UNC5C: variants seen among roughly 807,000 people sequenced by gnomAD.
The protein encoded by UNC5C is netrin receptor UNC5C.
In UNC5C, 47 loss-of-function variants were observed where a neutral mutation model predicts 99.8. The observed-to-expected ratio is 0.47, with a 90% CI of 0.37 to 0.60. The LOEUF is 0.60. Among genes scored for constraint, UNC5C ranks in the 20% least tolerant of loss-of-function variants. The probability of loss-of-function intolerance (pLI) is 0.00; values close to 1 mark genes in which losing one functional copy is unlikely to be tolerated. For synonymous variants in UNC5C, 487 were observed against 452.2 expected, an observed-to-expected ratio of 1.08 and a Z score of -0.98; for missense variants, 1,062 against 1,165.9, an observed-to-expected ratio of 0.91 and a Z score of 1.30.
chr4:95,169,037 T>C lies in UNC5C; in HGVS notation c.*197A>G. 1 of 612,060 alleles carries C rather than the reference T, an allele frequency of 1.6e-6. No individual in the cohort carries two copies. The highest frequency in any genetic ancestry group is 2.8e-6 in the Non-Finnish European group (1 of 363,456). The allele number at this position is 612,060 out of a possible 1,614,324, so 37.9% of individuals were successfully genotyped here. On this transcript the variant is annotated 3_prime_UTR_variant, in exon 16 of 16. Transcript: ENST00000453304. ...AAGGTACAAATTTACACAATTTTTC[T>C]TAACTCCCGTGATGATGTCCGAGTA... is the stretch of plus-strand genomic sequence containing the variant.
At chr4:95,442,262 G>A in intron 1 of UNC5C, among the ~76,000 whole-genome samples, 1 of 151,694 alleles carries the variant, frequency 6.6e-6, no homozygotes, top group Non-Finnish European at 1.5e-5. Context: ...GAGTGCAGTG[G>A]TGTGATCATA....
chr4:95,224,792 C>T lies in UNC5C; in HGVS notation c.1109-4616G>A, dbSNP rs977369791. ...GTAAAAAAGTTCTTTTAAAAATAAA[C>T]CAAAAGAACATAATGTGTTTGGAGA... On this transcript the variant is annotated intron_variant, in intron 7 of 15. Coordinates refer to ENST00000453304, the MANE Select transcript of UNC5C (RefSeq NM_003728.4). Among the ~76,000 whole-genome samples, 4 of 149,968 alleles carry T rather than the reference C, an allele frequency of 2.7e-5. No homozygotes were observed. In the South Asian group the frequency reaches 6.4e-4, roughly 24 times the overall value.
intron 2 of UNC5C, among the ~76,000 whole-genome samples, chr4:95,324,755 C>T (rs1362710604): frequency 2.6e-5 from 4 of 152,102 alleles, no homozygotes; most frequent in Admixed American, 1.3e-4. Context: ...CACCCTTTGC[C>T]CCTTCTGCCA....
rs116500341 is a variant in UNC5C, at chr4:95,459,787, T to G, written c.124+88947A>C. Among the ~76,000 whole-genome samples the G allele has an allele frequency of 3.6e-3, 544 of 152,270 alleles. 2 individuals carry two copies. The highest frequency in any genetic ancestry group is 0.013 in the African/African-American group (521 of 41,576). On this transcript the variant is annotated intron_variant, in intron 1 of 15. Transcript: ENST00000453304. ...CCAGAATGGCCTAAAAGAATTTCCC[T>G]AAAAGGCTCTCATTATAGAATAGCA...
chr4:95,376,021 C>A (rs969164261), intron 1 of UNC5C, among the ~76,000 whole-genome samples: 1 of 152,072 alleles, frequency 6.6e-6, no homozygotes, highest in Non-Finnish European at 1.5e-5. Flanking sequence ...CCACTGCACT[C>A]CAGCCTGGGC....
At chr4:95,281,118 G>A (rs1741042928) in intron 3 of UNC5C, among the ~76,000 whole-genome samples, 1 of 152,186 alleles carries the variant, frequency 6.6e-6, no homozygotes, top group Admixed American at 6.5e-5. Flanking sequence ...TCTGCCTGAT[G>A]TGGGGTTGGG....
At position 95,370,756 on chromosome 4, in the gene UNC5C, T is replaced by C. The variant is rs1326872233; in HGVS notation, c.125-35125A>G. On this transcript the variant is annotated intron_variant, in intron 1 of 15. Transcript: ENST00000453304. ...CATGTAATTACCGCGTACAGGTTTA[T>C]ACTTTATCACAGTAAGACAACAGCA... 5.9e-5 allele frequency among the ~76,000 whole-genome samples: 9 copies of C among 152,336 alleles called. No homozygotes were observed. The South Asian group carries it at 8.3e-4, about 14-fold the overall frequency.
chr4:95,337,203 A>G (rs1743384033), intron 1 of UNC5C, among the ~76,000 whole-genome samples: 1 of 151,930 alleles, frequency 6.6e-6, no homozygotes, highest in Non-Finnish European at 1.5e-5. Flanking sequence ...AATTATTACT[A>G]TTTATGAAGG....
At chr4:95,318,300 A>G (rs1175729500) in intron 2 of UNC5C, among the ~76,000 whole-genome samples, 1 of 152,178 alleles carries the variant, frequency 6.6e-6, no homozygotes, top group Non-Finnish European at 1.5e-5. Flanking sequence ...CTGGAAGCCC[A>G]GGAGTGCCAG....
At position 95,204,811 on chromosome 4, in the gene UNC5C, G is replaced by A. The variant is rs145624497; in HGVS notation, c.1902+1817C>T. ...CACTTAGTTATACATTTAGTTCAGAGGGCTACACAAAGATGTGAAAGGTTG... is the reference window on the plus strand; with the variant it reads ...CACTTAGTTATACATTTAGTTCAGAAGGCTACACAAAGATGTGAAAGGTTG... On this transcript the variant is annotated intron_variant, in intron 11 of 15. Coordinates refer to ENST00000453304, the MANE Select transcript of UNC5C (RefSeq NM_003728.4). 1.8e-3 allele frequency among the ~76,000 whole-genome samples: 276 copies of A among 152,298 alleles called. 1 individual carries two copies. Among genetic ancestry groups the A allele is most frequent in the African/African-American group, 6.5e-3 (270 of 41,562 alleles).
At chr4:95,224,418 T>C (rs946006447) in intron 7 of UNC5C, among the ~76,000 whole-genome samples, 1 of 152,240 alleles carries the variant, frequency 6.6e-6, no homozygotes, top group East Asian at 1.9e-4. Context: ...CTGAGTTTTT[T>C]GTCCCTGCTT....
Position 95,397,343 on chromosome 4 carries a change from C to G in UNC5C, c.125-61712G>C, listed in dbSNP as rs961267319. On this transcript the variant is annotated intron_variant, in intron 1 of 15. Coordinates refer to ENST00000453304, the MANE Select transcript of UNC5C (RefSeq NM_003728.4). Reference sequence around the variant, plus strand: ...CACCACCCTTGTATTTTCAACTAAACAAATATGGATGTGATAATTCACATT... The same window carrying G: ...CACCACCCTTGTATTTTCAACTAAAGAAATATGGATGTGATAATTCACATT... Among the ~76,000 whole-genome samples, 7 of 152,158 alleles carry G rather than the reference C, an allele frequency of 4.6e-5. No individual in the cohort carries two copies. The East Asian group carries it at 1.3e-3, about 29-fold the overall frequency.
intron 13 of UNC5C, among the ~76,000 whole-genome samples, chr4:95,183,302 G>C (rs935829468): frequency 1.3e-5 from 2 of 151,962 alleles, no homozygotes; most frequent in Non-Finnish European, 2.9e-5. Flanking sequence ...TGAACCTAAG[G>C]AGTCAGCCTC....
At chr4:95,487,425 G>A (rs906189119) in intron 1 of UNC5C, among the ~76,000 whole-genome samples, 1 of 151,646 alleles carries the variant, frequency 6.6e-6, no homozygotes, top group Non-Finnish European at 1.5e-5. Flanking sequence ...CACCTATTTT[G>A]CCACAAGAGA....
At chr4:95,376,779 C>A (rs1744908474) in intron 1 of UNC5C, among the ~76,000 whole-genome samples, 1 of 152,174 alleles carries the variant, frequency 6.6e-6, no homozygotes, top group South Asian at 2.1e-4. Context: ...AATGAATACA[C>A]TCTACATCCA....
chr4:95,266,210 C>T (rs17352777), intron 4 of UNC5C, among the ~76,000 whole-genome samples: 27,469 of 152,118 alleles, frequency 0.18, 3,244 homozygotes, highest in Non-Finnish European at 0.26. Context: ...AGGAAAGTGT[C>T]GTCTTATTTA....
intron 1 of UNC5C, among the ~76,000 whole-genome samples, chr4:95,538,646 A>G (rs557341400): frequency 6.6e-6 from 1 of 152,210 alleles, no homozygotes; most frequent in Non-Finnish European, 1.5e-5. Context: ...CATTCAAAAC[A>G]GTTTGCTTAA....
chr4:95,201,708 A>G (rs1737666153), intron 12 of UNC5C, among the ~76,000 whole-genome samples: 1 of 151,242 alleles, frequency 6.6e-6, no homozygotes, highest in African/African-American at 2.4e-5. Flanking sequence ...AGTTCACGCC[A>G]TTCTCCTGCC....
At chr4:95,441,176 AAT>A (rs1746940695) in intron 1 of UNC5C, among the ~76,000 whole-genome samples, 1 of 152,198 alleles carries the variant, frequency 6.6e-6, no homozygotes, top group Non-Finnish European at 1.5e-5. Context: ...CTGCTTAAAA[AAT>A]TAATATACAA....
Sources: gnomAD v4.1 joint callset for allele counts (sites outside exome capture counted in the v4.1 genomes callset) on GRCh38, gnomAD v4.1.1 for gene constraint, MANE v1.5 for transcripts, NCBI Gene and HGNC (gene_info 2026-07-23, HGNC 2026-07-21) for gene names.